WDR12: variants seen among roughly 807,000 people sequenced by gnomAD.
WDR12 encodes WD repeat domain 12, also known as ribosome biogenesis protein WDR12.
WDR12 carries 42 observed loss-of-function variants against 64.3 expected under a neutral mutation model. That is an observed-to-expected ratio of 0.65 (90% CI 0.51 to 0.84). The LOEUF is 0.84. Ranked by LOEUF, WDR12 falls within the 40% of genes least tolerant of loss-of-function variation. The pLI is 0.00. For synonymous variants in WDR12, 158 were observed against 173.3 expected (o/e 0.91, Z 0.70); for missense variants, 469 against 494.6 (o/e 0.95, Z 0.49).
intron 11 of WDR12, 92 bp from the exon 12 acceptor site, chr2:202,882,875 G>C: frequency 7.6e-7 from 1 of 1,313,108 alleles, no homozygotes; most frequent in Non-Finnish European, 1.1e-6. Context: ...AAACTTTACA[G>C]GGTTTACCAA....
intron 10 of WDR12, 43 bp downstream of exon 10, chr2:202,884,155 T>C: frequency 6.4e-7 from 1 of 1,573,390 alleles, no homozygotes; most frequent in Non-Finnish European, 8.7e-7. Flanking sequence ...GAGAAATAGA[T>C]GTTATTCACA....
intron 10 of WDR12, 95 bp downstream of exon 10, chr2:202,884,103 G>T (rs951568325): frequency 7.8e-7 from 1 of 1,286,204 alleles, no homozygotes; most frequent in East Asian, 2.4e-5. Context: ...GAGCCACCAC[G>T]CCTGGCCAGA....
At chr2:202,906,359 A>G (rs1688456293) in intron 2 of WDR12, among the ~76,000 whole-genome samples, 1 of 152,206 alleles carries the variant, frequency 6.6e-6, no homozygotes, top group Admixed American at 6.5e-5. Context: ...AGCAATAAAA[A>G]GATTGCAAAC....
At position 202,882,802 on chromosome 2, in the gene WDR12, A is replaced by G. The variant is rs973896631; in HGVS notation, c.1122-19T>C. 6.2e-7 allele frequency: 1 copy of G among 1,607,382 alleles called. No homozygotes were observed. Among genetic ancestry groups the G allele is most frequent in the Admixed American group, 1.7e-5 (1 of 59,990 alleles). The stretch of plus-strand genomic sequence containing the variant: ...CTTACAACTAAAAGATGAAAATATT[A>G]ACATATTATATGCATTCACAGTGTT... On this transcript the variant is annotated intron_variant, in intron 11 of 12. Transcript: ENST00000261015.
chr2:202,892,623 T>C lies in WDR12; in HGVS notation c.735A>G (p.Leu245=). Residue 245 remains leucine, a synonymous_variant, in exon 8 of 13, where the codon CTA becomes CTG. Transcript: ENST00000261015. The part of the protein sequence containing the change: ...RKKQKTEQLG[L]TRTPIVTLSG... ...AGTTCTCACAAATACTGACCCTTGT[T>C]AGTCCCAACTGTTCTGTCTTCTGTT... 2 of 1,612,202 alleles carry C rather than the reference T, an allele frequency of 1.2e-6. No homozygotes were observed. Among genetic ancestry groups the C allele is most frequent in the Non-Finnish European group, 1.7e-6 (2 of 1,178,598 alleles).
intron 10 of WDR12, 73 bp downstream of exon 10, chr2:202,884,125 T>G (rs1284315824): frequency 6.7e-7 from 1 of 1,498,374 alleles, no homozygotes; most frequent in Non-Finnish European, 9.1e-7. Flanking sequence ...ATTCCTTTTT[T>G]TGTACATCTC....
At chr2:202,893,491 T>C (rs1252125748) in intron 7 of WDR12, among the ~76,000 whole-genome samples, 1 of 152,182 alleles carries the variant, frequency 6.6e-6, no homozygotes. Flanking sequence ...CACCAAATTA[T>C]TTGCTTTCAT....
At position 202,874,418 on chromosome 2, in the gene WDR12, G is replaced by C. The variant is rs1025925454; in HGVS notation, c.*6442C>G. Among the ~76,000 whole-genome samples the C allele has an allele frequency of 6.6e-6, 1 of 152,146 alleles. No individual in the cohort carries two copies. Among genetic ancestry groups the C allele is most frequent in the East Asian group, 1.9e-4 (1 of 5,194 alleles). On this transcript the variant is annotated 3_prime_UTR_variant, in exon 13 of 13. Transcript: ENST00000261015. ...CTAGACAAGAACATTAGATGACTTG[G>C]AATGTAGGGCTCCACAAATGGGATC...
In WDR12 at chr2:202,877,008, C is replaced by T. The variant is rs1022549316; in HGVS notation, c.*3852G>A. 2 of 151,862 alleles carry T rather than the reference C, an allele frequency of 1.3e-5. No individual in the cohort carries two copies. Among genetic ancestry groups the T allele is most frequent in the Non-Finnish European group, 2.9e-5 (2 of 67,994 alleles). The allele number at this position is 151,862 out of a possible 1,614,324, so 9.4% of individuals were successfully genotyped here. On this transcript the variant is annotated 3_prime_UTR_variant, in exon 13 of 13. Transcript: ENST00000261015. Reference sequence around the variant, plus strand: ...CCTTATATTTGTTATATATAGTAAACTGTTACCTTTTTTTCAAAACTACGA... The same window carrying T: ...CCTTATATTTGTTATATATAGTAAATTGTTACCTTTTTTTCAAAACTACGA...
At chr2:202,895,520 T>TC in intron 6 of WDR12, among the ~76,000 whole-genome samples, 1 of 145,068 alleles carries the variant, frequency 6.9e-6, no homozygotes, top group Admixed American at 6.9e-5. Context: ...TTTCTTTCTT[T>TC]TTTTTTTTTT....
At chr2:202,890,063 CA>C (rs201105264) in intron 8 of WDR12, among the ~76,000 whole-genome samples, 1 of 147,414 alleles carries the variant, frequency 6.8e-6, no homozygotes, top group African/African-American at 2.5e-5. Flanking sequence ...CCAATATCTA[CA>C]AAAAAAAAGA....
At chr2:202,900,374 G>T (rs1053881241) in intron 3 of WDR12, among the ~76,000 whole-genome samples, 39 of 149,122 alleles carry the variant, frequency 2.6e-4, no homozygotes, top group African/African-American at 9.6e-4. Flanking sequence ...TTAAAATTAA[G>T]AAAAAAAGCA....
chr2:202,876,597 A>C lies in WDR12; in HGVS notation c.*4263T>G, dbSNP rs1398657374. The stretch of plus-strand genomic sequence containing the variant: ...CCCTTGCATATAGTCTTAAAATGTC[A>C]TATTTTTTCCTTTAAGAATAGGAGC... On this transcript the variant is annotated 3_prime_UTR_variant, in exon 13 of 13. Coordinates refer to ENST00000261015, the MANE Select transcript of WDR12 (RefSeq NM_018256.4). 6.6e-6 allele frequency: 1 copy of C among 152,182 alleles called. No individual in the cohort carries two copies. Among genetic ancestry groups the C allele is most frequent in the Non-Finnish European group, 1.5e-5 (1 of 68,032 alleles). 9.4% of individuals were successfully genotyped at this position (152,182 alleles called of 1,614,324 possible).
Position 202,899,560 on chromosome 2 carries a change from C to A in WDR12, c.309G>T (p.Trp103Cys). ...CCTCTGCCCCTTTAATTGAACTGAT[C>A]CAGTCATCATGGAACATGCATTGCT... ...QPEQCMFHDD[W>C]ISSIKGAEEW... Residue 103 changes from tryptophan to cysteine, a missense_variant, in exon 4 of 13, where the codon TGG becomes TGT. Coordinates refer to ENST00000261015, the MANE Select transcript of WDR12 (RefSeq NM_018256.4). The A allele has an allele frequency of 6.2e-7, 1 of 1,614,040 alleles. No homozygotes were observed. The highest frequency in any genetic ancestry group is 8.5e-7 in the Non-Finnish European group (1 of 1,179,962).
At chr2:202,905,807 A>G (rs538297184) in intron 2 of WDR12, among the ~76,000 whole-genome samples, 1 of 152,282 alleles carries the variant, frequency 6.6e-6, no homozygotes, top group South Asian at 2.1e-4. Context: ...TATTTGTGGG[A>G]GCTAAAAATT....
intron 8 of WDR12, among the ~76,000 whole-genome samples, chr2:202,892,184 C>G (rs1490697724): frequency 3.9e-5 from 6 of 152,170 alleles, no homozygotes; most frequent in Admixed American, 1.3e-4. Context: ...ATGACAGAAT[C>G]AAATCCCAAA....
intron 8 of WDR12, among the ~76,000 whole-genome samples, chr2:202,887,073 A>G (rs1688060860): frequency 6.6e-6 from 1 of 152,170 alleles, no homozygotes; most frequent in South Asian, 2.1e-4. Context: ...CGCCCAGGCT[A>G]GAGTGCAATG....
At chr2:202,909,234 C>T (rs577950189) in intron 1 of WDR12, among the ~76,000 whole-genome samples, 21 of 152,290 alleles carry the variant, frequency 1.4e-4, no homozygotes, top group African/African-American at 4.8e-4. Flanking sequence ...AAAACTTGTA[C>T]GAGTGTTCAC....
chr2:202,892,647 T>C lies in WDR12; in HGVS notation c.711A>G (p.Lys237=), dbSNP rs201559061. The change falls in exon 8 of 13, where the codon AAA becomes AAG. Residue 237 remains lysine, a synonymous_variant. Coordinates refer to ENST00000261015, the MANE Select transcript of WDR12 (RefSeq NM_018256.4). The part of the protein sequence containing the change: ...MEESTNRPRK[K]QKTEQLGLTR... ...TTAGTCCCAACTGTTCTGTCTTCTG[T>C]TTCTTTCTTGGTCGATTTGTGGACT... The C allele has an allele frequency of 2.8e-5, 45 of 1,613,316 alleles. No individual in the cohort carries two copies. The highest frequency in any genetic ancestry group is 6.7e-5 in the Admixed American group (4 of 59,976).
Sources: gnomAD v4.1 joint callset for allele counts (sites outside exome capture counted in the v4.1 genomes callset) on GRCh38, gnomAD v4.1.1 for gene constraint, MANE v1.5 for transcripts, NCBI Gene and HGNC (gene_info 2026-07-23, HGNC 2026-07-21) for gene names.